Variants in CATSPERD observed in about 807,000 individuals in gnomAD.
CATSPERD encodes cation channel sperm-associated auxiliary subunit delta.
In CATSPERD, 86 loss-of-function variants were observed where a neutral mutation model predicts 98.1. The ratio of observed to expected loss-of-function variants is 0.88; its 90% CI spans 0.74 to 1.05. CATSPERD has a LOEUF of 1.05. Among genes scored for constraint, CATSPERD ranks in the 50% least tolerant of loss-of-function variants. CATSPERD has a pLI of 0.00. For synonymous variants in CATSPERD, 394 were observed against 390.2 expected, an observed-to-expected ratio of 1.01 and a Z score of -0.12; for missense variants, 995 against 1,005.7, an observed-to-expected ratio of 0.99 and a Z score of 0.14.
At chr19:5,723,318 T>C (rs1158371087) in intron 1 of CATSPERD, among the ~76,000 whole-genome samples, 1 of 152,042 alleles carries the variant, frequency 6.6e-6, no homozygotes, top group East Asian at 1.9e-4. Flanking sequence ...AGGCTTGCTC[T>C]GTCGCCCAGG....
intron 16 of CATSPERD, among the ~76,000 whole-genome samples, chr19:5,763,708 C>T (rs1398535262): frequency 6.6e-6 from 1 of 151,978 alleles, no homozygotes; most frequent in Non-Finnish European, 1.5e-5. Context: ...TGGTCTTGAA[C>T]TTTTGATCTT....
chr19:5,758,031 C>T, intron 14 of CATSPERD, 99 bp downstream of exon 14: 1 of 1,009,990 alleles, frequency 9.9e-7, no homozygotes, highest in Non-Finnish European at 1.4e-6. Context: ...TTCCAGGGTA[C>T]ATAGCCCGTG....
chr19:5,746,121 A>G, intron 9 of CATSPERD, 58 bp downstream of exon 9: 1 of 1,590,412 alleles, frequency 6.3e-7, no homozygotes, highest in Non-Finnish European at 8.6e-7. Flanking sequence ...AGAGGGGCCG[A>G]GTACAGCCTG....
At chr19:5,746,238 C>A (rs2056091418) in intron 9 of CATSPERD, among the ~76,000 whole-genome samples, 175 bp downstream of exon 9, 1 of 152,156 alleles carries the variant, frequency 6.6e-6, no homozygotes, top group African/African-American at 2.4e-5. Flanking sequence ...CTCTCTGCAT[C>A]CTCCCTAGCT....
chr19:5,758,955 G>A (rs536490742), intron 14 of CATSPERD, 131 bp from the exon 15 acceptor site: 11 of 641,858 alleles, frequency 1.7e-5, no homozygotes, highest in Admixed American at 6.8e-5. Context: ...AAGGAACAGA[G>A]TGGGGCTAAG....
At chr19:5,773,424 AG>A (rs1228559511) in intron 20 of CATSPERD, among the ~76,000 whole-genome samples, 1 of 152,196 alleles carries the variant, frequency 6.6e-6, no homozygotes, top group Non-Finnish European at 1.5e-5. Flanking sequence ...CAAGGTGTTC[AG>A]GGGGCTTTGC....
chr19:5,758,044 C>T (rs907791263), intron 14 of CATSPERD, 112 bp downstream of exon 14: 17 of 821,540 alleles, frequency 2.1e-5, no homozygotes, highest in Middle Eastern at 2.3e-4. Flanking sequence ...AGCCCGTGGC[C>T]GTGCCCCGCG....
chr19:5,744,347 TTAGA>T lies in CATSPERD; in HGVS notation c.574-77_574-74del, dbSNP rs141575890. 1.1e-3 allele frequency: 1,271 copies of T among 1,183,306 alleles called. 7 individuals are homozygous for T. The African/African-American group carries it at 0.018, about 16-fold the overall frequency. The allele number at this position is 1,183,306 out of a possible 1,614,324, so 73.3% of individuals were successfully genotyped here. On this transcript the variant is annotated intron_variant, in intron 7 of 21. Transcript: ENST00000381624. The stretch of plus-strand genomic sequence containing the variant: ...AAAGACTTTCCTTCATTGTAACTTA[TTAGA>T]TAATCTGAAGTTAAACCGACAAACA...
chr19:5,750,473 A>C (rs2056190694), intron 11 of CATSPERD, among the ~76,000 whole-genome samples: 2 of 145,202 alleles, frequency 1.4e-5, no homozygotes, highest in African/African-American at 5.1e-5. Context: ...AAAAAAAAAA[A>C]GGAATTATTT....
At chr19:5,729,686 A>G (rs1415085981) in intron 3 of CATSPERD, among the ~76,000 whole-genome samples, 186 bp from the exon 4 acceptor site, 2 of 152,204 alleles carry the variant, frequency 1.3e-5, no homozygotes, top group Non-Finnish European at 2.9e-5. Context: ...TTAAACTATT[A>G]TTTCTGGAAG....
At position 5,746,002 on chromosome 19, in the gene CATSPERD, C is replaced by G. The variant is rs570335771; in HGVS notation, c.747C>G (p.Pro249=). The G allele has an allele frequency of 3.7e-6, 6 of 1,614,120 alleles. No homozygotes were observed. In the Admixed American group the frequency reaches 5.0e-5, roughly 13 times the overall value. ...GGACTCTAGACATCCTCATCGCCCC[C>G]GGCCAGAGAGGCATCCTGCTCCTAT... ...YNGTLDILIA[P]GQRGILLLWF... is the part of the protein sequence containing the mutation. The change falls in exon 9 of 22, where the codon CCC becomes CCG. Residue 249 remains proline, a synonymous_variant. Transcript: ENST00000381624.
chr19:5,769,009 C>A (rs1169322841), intron 18 of CATSPERD, among the ~76,000 whole-genome samples: 1 of 151,698 alleles, frequency 6.6e-6, no homozygotes, highest in Non-Finnish European at 1.5e-5. Flanking sequence ...CGAAAATTAG[C>A]CAGGCATGGT....
At chr19:5,723,825 G>A (rs1444509893) in intron 1 of CATSPERD, among the ~76,000 whole-genome samples, 1 of 149,964 alleles carries the variant, frequency 6.7e-6, no homozygotes, top group Non-Finnish European at 1.5e-5. Context: ...TGCCCGGGCT[G>A]GAGTGCAATG....
intron 12 of CATSPERD, 50 bp downstream of exon 12, chr19:5,751,873 C>G (rs1031786273): frequency 1.5e-5 from 23 of 1,520,630 alleles, no homozygotes; most frequent in Non-Finnish European, 2.1e-5. Flanking sequence ...TTTTTAAAGA[C>G]AAATTCAACC....
intron 12 of CATSPERD, 78 bp from the exon 13 acceptor site, chr19:5,754,054 T>C (rs1377870292): frequency 1.0e-6 from 1 of 957,284 alleles, no homozygotes; most frequent in Non-Finnish European, 1.7e-6. Flanking sequence ...GGAGGGTCCC[T>C]TCCTCCTTCC....
chr19:5,727,489 C>A (rs1364185384), intron 3 of CATSPERD, 145 bp downstream of exon 3: 2 of 638,402 alleles, frequency 3.1e-6, no homozygotes, highest in Non-Finnish European at 5.5e-6. Flanking sequence ...TAGTCAGGGG[C>A]TGGAATTGGA....
At position 5,724,866 on chromosome 19, in the gene CATSPERD, T is replaced by C; in HGVS notation, c.126+4T>C. 6.2e-7 allele frequency: 1 copy of C among 1,613,656 alleles called. No homozygotes were observed. Among genetic ancestry groups the C allele is most frequent in the South Asian group, 1.1e-5 (1 of 91,078 alleles). The stretch of plus-strand genomic sequence containing the variant: ...TCTGATACAGGACGTTCAAGGGGTA[T>C]GTGGCTCCATGCTTAAATTCATCCT... On this transcript the variant is annotated splice_donor_region_variant and intron_variant, in intron 2 of 21. Transcript: ENST00000381624.
intron 9 of CATSPERD, among the ~76,000 whole-genome samples, chr19:5,746,665 C>A (rs1410935489): frequency 6.6e-6 from 1 of 152,036 alleles, no homozygotes; most frequent in African/African-American, 2.4e-5. Flanking sequence ...CATCTCCTGA[C>A]CGCGTAATCC....
At chr19:5,772,150 C>T (rs1275128998) in intron 19 of CATSPERD, 4 of 405,746 alleles carry the variant, frequency 9.9e-6, no homozygotes, top group Admixed American at 3.0e-5. Context: ...CAGGCTCAAG[C>T]GGTCCTCCTG....
Sources: allele counts gnomAD v4.1 joint callset (sites outside exome capture counted in the v4.1 genomes callset), GRCh38; gene constraint gnomAD v4.1.1; transcripts MANE v1.5; gene names NCBI Gene and HGNC (gene_info 2026-07-23, HGNC 2026-07-21).